Variants in MVD observed in about 807,000 individuals in gnomAD.
The protein encoded by MVD is diphosphomevalonate decarboxylase.
A neutral mutation model predicts 42.4 loss-of-function variants in MVD; 52 were observed. The ratio of observed to expected loss-of-function variants is 1.23; its 90% CI spans 0.98 to 1.55. The LOEUF (loss-of-function observed/expected upper bound fraction) is 1.55, where lower values mean the gene tolerates loss of function less well. Among genes scored for constraint, MVD ranks in the 40% most tolerant of loss-of-function variants. The pLI, the probability that MVD is intolerant of heterozygous loss-of-function variation, is 0.00. For missense variants in MVD, 663 were observed against 572.1 expected, an observed-to-expected ratio of 1.16 and a Z score of -1.62; for synonymous variants, 287 against 243.2, an observed-to-expected ratio of 1.18 and a Z score of -1.68.
In MVD at chr16:88,653,332, G is replaced by A; in HGVS notation, c.1090C>T (p.Pro364Ser). 1 of 1,600,992 alleles carries A rather than the reference G, an allele frequency of 6.2e-7. No individual in the cohort carries two copies. Among genetic ancestry groups the A allele is most frequent in the Non-Finnish European group, 8.5e-7 (1 of 1,176,664 alleles). ...LQAALAMEPT[P>S]GGVKYIIVTQ... is the part of the protein sequence containing the mutation. ...ACAATGATGTATTTGACCCCACCGG[G>A]GGTCGGCTCCATGGCCAGCGCAGCC... The change falls in exon 9 of 10, where the codon CCC (proline) becomes TCC (serine). Residue 364 changes from proline to serine, a missense_variant. Transcript: ENST00000301012.
In MVD at chr16:88,652,539, TCG is replaced by T. The variant is rs1255883907; in HGVS notation, c.1187_1188del (p.Pro396GlnfsTer24). 2 of 1,572,862 alleles carry T rather than the reference TCG, an allele frequency of 1.3e-6. No homozygotes were observed. The highest frequency in any genetic ancestry group is 2.7e-5 in the African/African-American group (2 of 74,022). On this transcript the variant is annotated frameshift_variant, in exon 10 of 10. Coordinates refer to ENST00000301012, the MANE Select transcript of MVD (RefSeq NM_002461.3). ...TGCTGAGGCAGTCAGGCAGCTGGCT[TCG>T]GCAGGCCGTCAGGACCCAGGAGGTG... ...CAHLLGPDGL[P>X]KPAA
At chr16:88,662,716 C>T (rs1908387665) in intron 1 of MVD, 2 of 1,428,546 alleles carry the variant, frequency 1.4e-6, no homozygotes, top group Non-Finnish European at 9.2e-7. Flanking sequence ...TCTTACGATT[C>T]ATGGGAATCG....
rs1477056048 is a variant in MVD at position 88,658,641 on chromosome 16, C to T, written c.141+9G>A. On this transcript the variant is annotated intron_variant, in intron 2 of 9. Transcript: ENST00000301012. ...GCACTGTGGTGTTTAGTCGTCAGTC[C>T]ACACATACCTGGTCCTGGTGCAGAG... The T allele has an allele frequency of 1.1e-5, 17 of 1,613,158 alleles. No individual in the cohort carries two copies. The highest frequency in any genetic ancestry group is 1.4e-5 in the Non-Finnish European group (16 of 1,179,482).
intron 1 of MVD, among the ~76,000 whole-genome samples, chr16:88,661,855 G>A (rs1413400947): frequency 2.6e-5 from 3 of 115,966 alleles, no homozygotes; most frequent in African/African-American, 8.9e-5. Flanking sequence ...AAAAAAAAAA[G>A]TATATATATA....
chr16:88,652,208 G>A lies in MVD; in HGVS notation c.*317C>T, dbSNP rs1907608195. ...CACTGAGCTCCTTTCTCAGAGAACT[G>A]GGCATAGCCAGAGCTGGGGTGAGAA... is the stretch of plus-strand genomic sequence containing the variant. On this transcript the variant is annotated 3_prime_UTR_variant, in exon 10 of 10. Transcript: ENST00000301012. The A allele has an allele frequency of 2.0e-6, 1 of 494,492 alleles. No individual in the cohort carries two copies. Among genetic ancestry groups the A allele is most frequent in the East Asian group, 3.8e-5 (1 of 26,242 alleles). The allele number at this position is 494,492 out of a possible 1,614,324, so 30.6% of individuals were successfully genotyped here.
chr16:88,661,893 T>C (rs1306086493), intron 1 of MVD, among the ~76,000 whole-genome samples: 2 of 147,524 alleles, frequency 1.4e-5, no homozygotes, highest in Non-Finnish European at 3.0e-5. Flanking sequence ...TACACACACA[T>C]ACATCTATAT....
intron 1 of MVD, chr16:88,662,250 G>A (rs928855369): frequency 3.3e-5 from 5 of 152,642 alleles, no homozygotes; most frequent in African/African-American, 1.2e-4. Flanking sequence ...GTGGTCCATG[G>A]ATTCCACGGA....
At chr16:88,661,087 T>C (rs2142913124) in intron 1 of MVD, among the ~76,000 whole-genome samples, 1 of 151,848 alleles carries the variant, frequency 6.6e-6, no homozygotes, top group Non-Finnish European at 1.5e-5. Context: ...GCTGATTTTT[T>C]TTTTTACAAA....
chr16:88,656,248 G>C lies in MVD; in HGVS notation c.460C>G (p.Arg154Gly), dbSNP rs141463390. 6.3e-7 allele frequency: 1 copy of C among 1,599,862 alleles called. No homozygotes were observed. Among genetic ancestry groups the C allele is most frequent in the Non-Finnish European group, 8.5e-7 (1 of 1,179,902 alleles). Residue 154 changes from arginine (R) to glycine (G), a missense_variant, in exon 5 of 10, where the codon CGG becomes GGG. Coordinates refer to ENST00000301012, the MANE Select transcript of MVD (RefSeq NM_002461.3). ...VESDLSEVAR[R>G]GSGSACRSLY... is the part of the protein sequence containing the mutation. ...CTCCGGCAGGCGCTGCCTGAGCCCC[G>C]GCGAGCCACTTCTGAGAGGTCACTC... is the stretch of plus-strand genomic sequence containing the variant.
At chr16:88,662,495 G>T (rs4782396) in intron 1 of MVD, among the ~76,000 whole-genome samples, 5 of 152,176 alleles carry the variant, frequency 3.3e-5, no homozygotes, top group African/African-American at 9.7e-5. Flanking sequence ...CGGCCTCCCC[G>T]GCACGGATGT....
intron 8 of MVD, among the ~76,000 whole-genome samples, 196 bp downstream of exon 8, chr16:88,654,496 T>C (rs1907779788): frequency 6.6e-6 from 1 of 151,860 alleles, no homozygotes; most frequent in Admixed American, 6.5e-5. Context: ...GAGCGGCCTC[T>C]CTTTCTTCCC....
chr16:88,658,538 C>G, intron 2 of MVD, 112 bp downstream of exon 2: 1 of 1,050,906 alleles, frequency 9.5e-7, no homozygotes, highest in South Asian at 1.4e-5. Context: ...TCAAGAGACT[C>G]TCCCCAAGTG....
chr16:88,654,633 C>T, intron 8 of MVD, 59 bp downstream of exon 8: 1 of 1,530,364 alleles, frequency 6.5e-7, no homozygotes, highest in Non-Finnish European at 8.8e-7. Context: ...TCCGTCTCTT[C>T]CGACCAGAGT....
In MVD at chr16:88,655,640, C is replaced by T. The variant is rs2142897591; in HGVS notation, c.678+16G>A. On this transcript the variant is annotated intron_variant, in intron 6 of 9. Coordinates refer to ENST00000301012, the MANE Select transcript of MVD (RefSeq NM_002461.3). ...GTGACTCCCAGGGCCCCGGGACCAC[C>T]CGCTCCTGGCCTTACCCGAAGCAGG... 1 of 1,549,264 alleles carries T rather than the reference C, an allele frequency of 6.5e-7. No individual in the cohort carries two copies.
At chr16:88,654,594 C>A in intron 8 of MVD, 98 bp downstream of exon 8, 1 of 1,247,350 alleles carries the variant, frequency 8.0e-7, no homozygotes, top group Non-Finnish European at 1.1e-6. Context: ...CTGGGACTCC[C>A]TGTCTCAGCG....
chr16:88,656,180 G>C lies in MVD; in HGVS notation c.528C>G (p.Ala176=). 2 of 1,601,834 alleles carry C rather than the reference G, an allele frequency of 1.2e-6. No individual in the cohort carries two copies. The highest frequency in any genetic ancestry group is 1.7e-6 in the Non-Finnish European group (2 of 1,179,908). Residue 176 remains alanine (A), a synonymous_variant, in exon 5 of 10, where the codon GCC becomes GCG. Transcript: ENST00000301012. ...GCCGAGCGATGCTGTCCTTCCCGTC[G>C]GCCTGCTCTCCCATCTGCCACTCCA... ...GFVEWQMGEQ[A]DGKDSIARQV...
chr16:88,662,770 C>G (rs556259038), intron 1 of MVD: 3 of 1,482,970 alleles, frequency 2.0e-6, no homozygotes, highest in East Asian at 2.9e-5. Flanking sequence ...AATGGGCAGG[C>G]GCCGGGCGAC....
At chr16:88,657,714 C>T in intron 3 of MVD, 132 bp from the exon 4 acceptor site, 2 of 1,392,000 alleles carry the variant, frequency 1.4e-6, no homozygotes, top group Non-Finnish European at 1.9e-6. Flanking sequence ...AGTTTCTTAC[C>T]CGGGAAAACC....
Position 88,652,194 on chromosome 16 carries a change from T to C in MVD, c.*331A>G. The C allele has an allele frequency of 2.2e-6, 1 of 457,302 alleles. No individual in the cohort carries two copies. Among genetic ancestry groups the C allele is most frequent in the South Asian group, 2.1e-5 (1 of 46,564 alleles). 28.3% of individuals were successfully genotyped at this position (457,302 alleles called of 1,614,324 possible). On this transcript the variant is annotated 3_prime_UTR_variant, in exon 10 of 10. Transcript: ENST00000301012. ...AGGGACCACCTCCCCACTGAGCTCC[T>C]TTCTCAGAGAACTGGGCATAGCCAG...
Sources: gnomAD v4.1 joint callset for allele counts (sites outside exome capture counted in the v4.1 genomes callset) on GRCh38, gnomAD v4.1.1 for gene constraint, MANE v1.5 for transcripts, NCBI Gene and HGNC (gene_info 2026-07-23, HGNC 2026-07-21) for gene names.